ARHGAP23: variants seen among roughly 807,000 people sequenced by gnomAD.
ARHGAP23 encodes rho GTPase-activating protein 23.
Under a neutral mutation model 136.3 loss-of-function variants are expected in ARHGAP23, and 34 were observed. That is an observed-to-expected ratio of 0.25 (90% CI 0.19 to 0.33). ARHGAP23 has a LOEUF of 0.33. ARHGAP23 is among the 10% of genes least tolerant of loss of function. ARHGAP23 has a pLI of 1.00. For synonymous variants in ARHGAP23, 832 were observed against 920.5 expected (o/e 0.90, Z 1.74); for missense variants, 1,808 against 2,139.0 (o/e 0.85, Z 3.05).
intron 2 of ARHGAP23, among the ~76,000 whole-genome samples, chr17:38,459,767 G>A (rs896853192): frequency 3.9e-5 from 6 of 152,334 alleles, no homozygotes; most frequent in Admixed American, 3.9e-4. Flanking sequence ...CCACCTGGCA[G>A]CCTGCAGGGA....
upstream of ARHGAP23, among the ~76,000 whole-genome samples, chr17:38,424,615 G>T (rs968984389): frequency 3.0e-4 from 46 of 152,082 alleles, no homozygotes; most frequent in Admixed American, 4.6e-4. Context: ...TGGTCTCAGG[G>T]ACTACCAGAG....
At chr17:38,439,440 T>G (rs1260563208) in intron 1 of ARHGAP23, among the ~76,000 whole-genome samples, 4 of 152,206 alleles carry the variant, frequency 2.6e-5, no homozygotes, top group Non-Finnish European at 5.9e-5. Context: ...ATATCCAGCT[T>G]CTAGGCCAGG....
At chr17:38,509,607 G>A (rs2040708886) in intron 23 of ARHGAP23, among the ~76,000 whole-genome samples, 1 of 152,212 alleles carries the variant, frequency 6.6e-6, no homozygotes, top group South Asian at 2.1e-4. Context: ...AGGCTGCCAA[G>A]CGTTATTCAC....
intron 21 of ARHGAP23, among the ~76,000 whole-genome samples, chr17:38,498,075 G>A (rs1490075504): frequency 3.3e-5 from 5 of 152,138 alleles, no homozygotes; most frequent in African/African-American, 4.8e-5. Context: ...AGGGAACCCA[G>A]TTCAGGAGTA....
At chr17:38,460,272 A>C (rs2039426877) in intron 2 of ARHGAP23, among the ~76,000 whole-genome samples, 1 of 151,990 alleles carries the variant, frequency 6.6e-6, no homozygotes, top group African/African-American at 2.4e-5. Flanking sequence ...ACTCTCTCTC[A>C]CAGAAGAACT....
chr17:38,473,989 C>T (rs1457544050), intron 11 of ARHGAP23, among the ~76,000 whole-genome samples: 2 of 152,108 alleles, frequency 1.3e-5, no homozygotes, highest in Non-Finnish European at 2.9e-5. Flanking sequence ...GGTACGATCT[C>T]AGCTCACTGC....
Position 38,458,144 on chromosome 17 carries a change from T to C in ARHGAP23, c.106T>C (p.Phe36Leu), listed in dbSNP as rs1284069007. The part of the protein sequence containing the change: ...PRDGCSPRRP[F>L]PWQGPRTLLL... ...AGATGGGTGCTCTCCTAGGCGCCCC[T>C]TCCCCTGGCAGGGGCCGAGGACGCT... Residue 36 changes from phenylalanine to leucine, a missense_variant, in exon 2 of 24, where the codon TTC (phenylalanine) becomes CTC (leucine). This residue lies in a region of ARHGAP23 where 859 missense variants were observed against 936.4 expected (regional missense o/e 0.92). Coordinates refer to ENST00000622683, the MANE Select transcript of ARHGAP23 (RefSeq NM_001199417.2). The C allele has an allele frequency of 4.6e-6, 7 of 1,536,018 alleles. No individual in the cohort carries two copies. Among genetic ancestry groups the C allele is most frequent in the South Asian group, 3.6e-5 (3 of 84,062 alleles).
At chr17:38,434,204 C>T (rs56298030) in intron 1 of ARHGAP23, among the ~76,000 whole-genome samples, 6,075 of 152,134 alleles carry the variant, frequency 0.04, 172 homozygotes, top group Non-Finnish European at 0.062. Flanking sequence ...TTCCCTGTCC[C>T]GCCAACCCCC....
chr17:38,461,114 CTCTG>C (rs2144620513), intron 3 of ARHGAP23, among the ~76,000 whole-genome samples, 182 bp downstream of exon 3: 1 of 152,348 alleles, frequency 6.6e-6, no homozygotes, highest in African/African-American at 2.4e-5. Context: ...TCCTCACTCT[CTCTG>C]TCCTCCCCCT....
Position 38,448,858 on chromosome 17 carries a change from C to CTTTTTTT in ARHGAP23, c.64-9233_64-9227dup, listed in dbSNP as rs1241989813. Reference sequence around the variant, plus strand: ...ATGGGGTCTTGCCAAGTTGCCCAGCCTTTTTTTTTTTTTTTTTGAGACCGG... The same window carrying CTTTTTTT: ...ATGGGGTCTTGCCAAGTTGCCCAGCCTTTTTTTTTTTTTTTTTTTTTTTTGAGACCGG... On this transcript the variant is annotated intron_variant, in intron 1 of 23. Transcript: ENST00000622683. 2.6e-3 allele frequency among the ~76,000 whole-genome samples: 319 copies of CTTTTTTT among 123,954 alleles called. 3 individuals are homozygous for CTTTTTTT. The highest frequency in any genetic ancestry group is 0.01 in the African/African-American group (295 of 29,428). 81.3% of individuals were successfully genotyped at this position (123,954 alleles called of 152,430 possible).
At chr17:38,507,276 A>AAATAATAAAAT (rs1555599767) in intron 23 of ARHGAP23, among the ~76,000 whole-genome samples, 1 of 136,670 alleles carries the variant, frequency 7.3e-6, no homozygotes, top group Non-Finnish European at 1.6e-5. Flanking sequence ...CTCCGTCTCA[A>AAATAATAAAAT]AATAATAATA....
At chr17:38,463,059 G>T in intron 4 of ARHGAP23, 59 bp from the exon 5 acceptor site, 1 of 1,542,934 alleles carries the variant, frequency 6.5e-7, no homozygotes, top group Non-Finnish European at 8.8e-7. Context: ...TGGTACAGGG[G>T]TTCTCAGATG....
chr17:38,463,937 C>T (rs768658922), intron 6 of ARHGAP23, among the ~76,000 whole-genome samples: 18 of 152,134 alleles, frequency 1.2e-4, no homozygotes, highest in Non-Finnish European at 2.2e-4. Context: ...CACAAGCACC[C>T]ACTGCCACAG....
chr17:38,421,164 G>C (rs550304194), intron 1 of ARHGAP23, among the ~76,000 whole-genome samples: 2 of 152,352 alleles, frequency 1.3e-5, no homozygotes, highest in East Asian at 3.9e-4. Context: ...ACATCAAGGG[G>C]AGTCAGGACA....
At chr17:38,422,264 C>T (rs2038527330) in intron 1 of ARHGAP23, among the ~76,000 whole-genome samples, 2 of 152,198 alleles carry the variant, frequency 1.3e-5, no homozygotes, top group Admixed American at 6.5e-5. Context: ...ACAGTGTTGT[C>T]ATGGGGACTA....
intron 1 of ARHGAP23, among the ~76,000 whole-genome samples, chr17:38,436,610 C>A (rs2038803735): frequency 6.6e-6 from 1 of 152,210 alleles, no homozygotes; most frequent in African/African-American, 2.4e-5. Context: ...GAGAAACAAC[C>A]CTGCTCTCAA....
chr17:38,467,211 A>G lies in ARHGAP23; in HGVS notation c.1528A>G (p.Asn510Asp). Reference sequence around the variant, plus strand: ...TCAGCTGACCCCCGCAAGACAGATGAACCTTGGATTTGGTGACGAGTCCCC... The same window carrying G: ...TCAGCTGACCCCCGCAAGACAGATGGACCTTGGATTTGGTGACGAGTCCCC... ...KVQLTPARQMNLGFGDESPEP... is the reference protein window; with the variant it reads ...KVQLTPARQMDLGFGDESPEP... The change falls in exon 7 of 24, where the codon AAC becomes GAC. Residue 510 changes from asparagine to aspartate, a missense_variant. By Grantham distance (23) the Asn-to-Asp change is conservative (BLOSUM62 1). This residue lies in a region of ARHGAP23 where 859 missense variants were observed against 936.4 expected (regional missense o/e 0.92). Coordinates refer to ENST00000622683, the MANE Select transcript of ARHGAP23 (RefSeq NM_001199417.2). The G allele has an allele frequency of 6.4e-7, 1 of 1,550,938 alleles. No individual in the cohort carries two copies. Among genetic ancestry groups the G allele is most frequent in the Non-Finnish European group, 8.7e-7 (1 of 1,146,696 alleles).
chr17:38,491,635 G>A (rs2040281907), intron 20 of ARHGAP23, 103 bp downstream of exon 20: 1 of 1,473,682 alleles, frequency 6.8e-7, no homozygotes, highest in Non-Finnish European at 9.2e-7. Flanking sequence ...GCCCCAGGAA[G>A]GGCTCGGCAG....
At chr17:38,508,144 G>A (rs1402624500) in intron 23 of ARHGAP23, among the ~76,000 whole-genome samples, 1 of 152,224 alleles carries the variant, frequency 6.6e-6, no homozygotes, top group Non-Finnish European at 1.5e-5. Flanking sequence ...AGTTTGATGA[G>A]GCTGATGTGA....
Sources: allele counts gnomAD v4.1 joint callset (sites outside exome capture counted in the v4.1 genomes callset), GRCh38; gene constraint gnomAD v4.1.1; regional missense constraint gnomAD v4.1.1; transcripts MANE v1.5; gene names NCBI Gene and HGNC (gene_info 2026-07-23, HGNC 2026-07-21).